Variants in MAST2 observed in about 807,000 individuals in gnomAD.
The protein encoded by MAST2 is microtubule associated serine/threonine kinase 2, also known as microtubule-associated serine/threonine-protein kinase 2.
Under a neutral mutation model 147.4 loss-of-function variants are expected in MAST2, and 70 were observed. The observed-to-expected ratio is 0.47, with a 90% confidence interval of 0.39 to 0.58. MAST2 has a LOEUF of 0.58. MAST2 is among the 20% of genes least tolerant of loss of function. MAST2 has a pLI of 0.00. For synonymous variants in MAST2, 869 were observed against 896.8 expected (o/e 0.97, Z 0.55); for missense variants, 2,080 against 2,302.3 (o/e 0.90, Z 1.98).
intron 5 of MAST2, among the ~76,000 whole-genome samples, chr1:45,986,275 A>G (rs11211239): frequency 0.34 from 51,485 of 152,032 alleles, 9,097 homozygotes; most frequent in African/African-American, 0.43. Context: ...TCTATGTCTA[A>G]TGAGATGATT....
intron 6 of MAST2, among the ~76,000 whole-genome samples, chr1:46,002,546 T>A (rs1380240471): frequency 2.6e-5 from 4 of 152,242 alleles, no homozygotes. Context: ...AAAACCACAG[T>A]ATTATATGAC....
intron 11 of MAST2, among the ~76,000 whole-genome samples, chr1:46,020,490 G>A (rs35734954): frequency 4.7e-5 from 7 of 149,962 alleles, no homozygotes; most frequent in African/African-American, 1.8e-4. Flanking sequence ...AGAAAGTTTA[G>A]GTAAGAATGT....
intron 4 of MAST2, among the ~76,000 whole-genome samples, chr1:45,958,329 A>G (rs923259230): frequency 6.6e-6 from 1 of 151,438 alleles, no homozygotes; most frequent in South Asian, 2.1e-4. Flanking sequence ...CTTCTTTGCT[A>G]TTTCTTGAAC....
At chr1:45,989,972 C>T (rs956788151) in intron 5 of MAST2, among the ~76,000 whole-genome samples, 26 of 152,256 alleles carry the variant, frequency 1.7e-4, no homozygotes, top group African/African-American at 6.0e-4. Flanking sequence ...TATGTTTATC[C>T]ATCATCTATT....
intron 1 of MAST2, among the ~76,000 whole-genome samples, chr1:45,821,176 A>G (rs923358301): frequency 5.3e-5 from 8 of 152,042 alleles, no homozygotes; most frequent in Non-Finnish European, 2.9e-5. Flanking sequence ...TTGGGATTAC[A>G]GGTGTGAGCC....
In MAST2 at chr1:45,854,426, C is replaced by T. The variant is rs533653565; in HGVS notation, c.468+24845C>T. Among the ~76,000 whole-genome samples, 11 of 152,120 alleles carry T rather than the reference C, an allele frequency of 7.2e-5. No homozygotes were observed. In the South Asian group the frequency reaches 1.5e-3, roughly 20 times the overall value. ...GTTCACTTATGGGACTCTCCTTCTG[C>T]CATTACCACAATGTTTTGATTACTG... On this transcript the variant is annotated intron_variant, in intron 3 of 28. Coordinates refer to ENST00000361297, the MANE Select transcript of MAST2 (RefSeq NM_015112.3).
At chr1:45,993,042 CA>C (rs768334095) in intron 5 of MAST2, among the ~76,000 whole-genome samples, 3 of 152,006 alleles carry the variant, frequency 2.0e-5, no homozygotes, top group Non-Finnish European at 4.4e-5. Context: ...AAGAATCTTC[CA>C]TTTCTCCCCT....
At chr1:45,857,439 T>C (rs554789298) in intron 3 of MAST2, among the ~76,000 whole-genome samples, 1 of 152,350 alleles carries the variant, frequency 6.6e-6, no homozygotes, top group African/African-American at 2.4e-5. Flanking sequence ...ACTTGATTGA[T>C]TGACTCTCTG....
chr1:45,948,927 C>T (rs542280212), intron 4 of MAST2, among the ~76,000 whole-genome samples: 1 of 151,960 alleles, frequency 6.6e-6, no homozygotes, highest in African/African-American at 2.4e-5. Flanking sequence ...TCGTAGGCCA[C>T]ACACCTATGA....
intron 3 of MAST2, among the ~76,000 whole-genome samples, chr1:45,833,270 G>A (rs961528832): frequency 2.0e-5 from 3 of 151,914 alleles, no homozygotes. Flanking sequence ...CATATATGTA[G>A]AAATCATGAT....
rs187463461 is a variant in MAST2 at position 45,997,112 on chromosome 1, C to G, written c.593-612C>G. Among the ~76,000 whole-genome samples the G allele has an allele frequency of 4.1e-4, 63 of 152,260 alleles. No individual in the cohort carries two copies. The East Asian group carries it at 0.011, about 26-fold the overall frequency. ...GGTAAACTTACAGTTTTGTTCAAAG[C>G]TTCTGAGCTTTAAGTTAGCAAGTTA... On this transcript the variant is annotated intron_variant, in intron 5 of 28. Transcript: ENST00000361297.
chr1:45,858,524 G>C (rs987290924), intron 3 of MAST2, among the ~76,000 whole-genome samples: 13 of 150,280 alleles, frequency 8.7e-5, no homozygotes, highest in African/African-American at 3.2e-4. Context: ...CCCTTCGTCA[G>C]ATGAGTAGAT....
At chr1:45,855,491 A>T (rs368801373) in intron 3 of MAST2, among the ~76,000 whole-genome samples, 1 of 151,666 alleles carries the variant, frequency 6.6e-6, no homozygotes, top group Admixed American at 6.6e-5. Flanking sequence ...ATCTTTTTGT[A>T]TTTTCATGCT....
rs1442243412 is a variant in MAST2, at chr1:45,934,965, A to G, written c.501-24421A>G. 2.6e-5 allele frequency among the ~76,000 whole-genome samples: 4 copies of G among 152,340 alleles called. No individual in the cohort carries two copies. The South Asian group carries it at 8.3e-4, about 32-fold the overall frequency. Reference sequence around the variant, plus strand: ...AGGTAATTCTACTTTTAGTTCTTTGAGAAATCTCCAAACTGCTTTCCACAG... The same window carrying G: ...AGGTAATTCTACTTTTAGTTCTTTGGGAAATCTCCAAACTGCTTTCCACAG... On this transcript the variant is annotated intron_variant, in intron 4 of 28. Coordinates refer to ENST00000361297, the MANE Select transcript of MAST2 (RefSeq NM_015112.3).
intron 17 of MAST2, 24 bp downstream of exon 17, chr1:46,027,887 T>C (rs562000521): frequency 6.2e-7 from 1 of 1,613,112 alleles, no homozygotes; most frequent in South Asian, 1.1e-5. Context: ...GTTGATACAC[T>C]GGGGGTTAAA....
chr1:45,820,800 G>A (rs1419480348), intron 1 of MAST2, among the ~76,000 whole-genome samples: 1 of 130,768 alleles, frequency 7.6e-6, no homozygotes, highest in Non-Finnish European at 1.6e-5. Context: ...AGGATTTGAT[G>A]TAGAACATAT....
intron 3 of MAST2, among the ~76,000 whole-genome samples, chr1:45,863,391 C>G (rs567620385): frequency 6.6e-6 from 1 of 152,120 alleles, no homozygotes; most frequent in Non-Finnish European, 1.5e-5. Flanking sequence ...TAGACATAAT[C>G]CAGCCGTTAG....
intron 2 of MAST2, among the ~76,000 whole-genome samples, chr1:45,825,625 G>A (rs1644768719): frequency 2.0e-5 from 3 of 151,074 alleles, no homozygotes; most frequent in South Asian, 4.2e-4. Flanking sequence ...TAGAGACAGG[G>A]TTTCACCATG....
At chr1:45,897,456 G>A (rs982678242) in intron 4 of MAST2, among the ~76,000 whole-genome samples, 4 of 152,158 alleles carry the variant, frequency 2.6e-5, no homozygotes, top group East Asian at 3.8e-4. Context: ...CTGGTCCTAG[G>A]ACCACTGCAT....
Sources: gnomAD v4.1 joint callset for allele counts (sites outside exome capture counted in the v4.1 genomes callset) on GRCh38, gnomAD v4.1.1 for gene constraint, MANE v1.5 for transcripts, NCBI Gene and HGNC (gene_info 2026-07-23, HGNC 2026-07-21) for gene names.